The following HPSE2 variants were observed in gnomAD, a reference collection of about 807,000 sequenced individuals.
HPSE2 encodes the protein inactive heparanase-2.
A neutral mutation model predicts 60.5 loss-of-function variants in HPSE2; 38 were observed. The ratio of observed to expected loss-of-function variants is 0.63; its 90% CI spans 0.48 to 0.82. The LOEUF (loss-of-function observed/expected upper bound fraction) is 0.82. HPSE2 is among the 40% of genes least tolerant of loss of function. The pLI is 0.00. For missense variants in HPSE2, 713 were observed against 740.4 expected (o/e 0.96, Z 0.43); for synonymous variants, 295 against 293.2 (o/e 1.01, Z -0.06).
chr10:99,260,502 T>TTCTCACTACCCTTCAATCTTCCTC, the HPSE2 span, among the ~76,000 whole-genome samples: 2 of 152,164 alleles, frequency 1.3e-5, no homozygotes, highest in Non-Finnish European at 2.9e-5. Flanking sequence ...TCTCCAGCCT[T>TTCTCACTACCCTTCAATCTTCCTC]TCTCACTACC....
At chr10:99,032,275 T>C (rs1398019249) in intron 3 of HPSE2, among the ~76,000 whole-genome samples, 1 of 152,066 alleles carries the variant, frequency 6.6e-6, no homozygotes, top group Non-Finnish European at 1.5e-5. Flanking sequence ...GATCATGATG[T>C]CCCCTCTGTT....
rs1024783563 is a variant in HPSE2 at position 98,611,093 on chromosome 10, G to C, written c.1320+3811C>G. ...ACACGTCCCCATTTTCCCAGTGTTG[G>C]GGGGGGCCAGGGGAAGGGAGTGGGA... On this transcript the variant is annotated intron_variant, in intron 9 of 11. Transcript: ENST00000370552. 9.4e-5 allele frequency among the ~76,000 whole-genome samples: 13 copies of C among 138,308 alleles called. No individual in the cohort carries two copies. In the East Asian group the frequency reaches 9.7e-4, roughly 10 times the overall value. 90.7% of individuals were successfully genotyped at this position (138,308 alleles called of 152,430 possible).
chr10:99,304,289 T>C, the HPSE2 span, among the ~76,000 whole-genome samples: 1 of 152,214 alleles, frequency 6.6e-6, no homozygotes, highest in Non-Finnish European at 1.5e-5. Flanking sequence ...GAGCCAAAAG[T>C]TACTACTGCT....
intron 3 of HPSE2, among the ~76,000 whole-genome samples, chr10:98,901,509 C>A (rs996921747): frequency 6.6e-6 from 1 of 152,162 alleles, no homozygotes; most frequent in Non-Finnish European, 1.5e-5. Context: ...AAGCTTGCTG[C>A]TAAACAGGGC....
chr10:99,021,539 T>C (rs1201546594), intron 3 of HPSE2, among the ~76,000 whole-genome samples: 1 of 151,872 alleles, frequency 6.6e-6, no homozygotes. Context: ...AGGGTCCTAC[T>C]CTAAATTAAT....
At chr10:98,527,447 G>C (rs1943003205) in intron 9 of HPSE2, among the ~76,000 whole-genome samples, 1 of 152,004 alleles carries the variant, frequency 6.6e-6, no homozygotes, top group African/African-American at 2.4e-5. Context: ...TCTGTTCTTT[G>C]AACCCTCTGG....
At chr10:99,258,173 T>C in the HPSE2 span, among the ~76,000 whole-genome samples, 8 of 151,942 alleles carry the variant, frequency 5.3e-5, no homozygotes, top group Admixed American at 5.2e-4. Context: ...ATAAGATCAA[T>C]ATACAAAAGT....
chr10:98,972,886 A>T (rs1181974347), intron 3 of HPSE2, among the ~76,000 whole-genome samples: 1 of 152,160 alleles, frequency 6.6e-6, no homozygotes, highest in Non-Finnish European at 1.5e-5. Flanking sequence ...TTTATAAGAC[A>T]TGTATGGGGT....
At chr10:99,152,862 G>A (rs1846332141) in intron 2 of HPSE2, among the ~76,000 whole-genome samples, 2 of 152,220 alleles carry the variant, frequency 1.3e-5, no homozygotes, top group Admixed American at 1.3e-4. Context: ...ACTAGGGAGT[G>A]CCAGACAGTG....
chr10:98,771,778 C>T (rs1456894131), intron 3 of HPSE2, among the ~76,000 whole-genome samples: 3 of 152,028 alleles, frequency 2.0e-5, no homozygotes, highest in African/African-American at 7.2e-5. Context: ...GGGGCAAACT[C>T]CCTGCTAGGG....
chr10:99,167,835 C>G (rs922573392), intron 2 of HPSE2, among the ~76,000 whole-genome samples: 1 of 152,032 alleles, frequency 6.6e-6, no homozygotes, highest in Non-Finnish European at 1.5e-5. Flanking sequence ...TCGAGAAGAA[C>G]TGATATCTTA....
chr10:98,668,421 T>C (rs769375984), intron 6 of HPSE2, among the ~76,000 whole-genome samples: 19 of 152,086 alleles, frequency 1.2e-4, no homozygotes, highest in Non-Finnish European at 2.1e-4. Flanking sequence ...TATTCTAAAA[T>C]TCACATGGAA....
At chr10:98,723,873 T>A (rs938465837) in intron 4 of HPSE2, among the ~76,000 whole-genome samples, 11 of 152,172 alleles carry the variant, frequency 7.2e-5, no homozygotes, top group African/African-American at 2.7e-4. Context: ...TTATTAGTCT[T>A]GCTAGCGGTC....
chr10:98,967,142 C>T (rs1564697821), intron 3 of HPSE2, among the ~76,000 whole-genome samples: 1 of 152,094 alleles, frequency 6.6e-6, no homozygotes, highest in Non-Finnish European at 1.5e-5. Context: ...CTGGCAGTTG[C>T]CATGAAGACT....
At chr10:98,705,860 C>A (rs1369929865) in intron 5 of HPSE2, among the ~76,000 whole-genome samples, 2 of 152,142 alleles carry the variant, frequency 1.3e-5, no homozygotes, top group African/African-American at 2.4e-5. Flanking sequence ...GCCACCATGA[C>A]ACATGTAGAC....
the HPSE2 span, among the ~76,000 whole-genome samples, chr10:99,293,520 T>C: frequency 6.6e-6 from 1 of 152,214 alleles, no homozygotes; most frequent in Non-Finnish European, 1.5e-5. Context: ...CTAGGATAAC[T>C]TTTACAGAAA....
intron 3 of HPSE2, among the ~76,000 whole-genome samples, chr10:99,110,079 A>T (rs1469104244): frequency 6.6e-6 from 1 of 152,226 alleles, no homozygotes; most frequent in Admixed American, 6.5e-5. Context: ...GAATTATCTG[A>T]TTCAAAGACA....
intron 3 of HPSE2, among the ~76,000 whole-genome samples, chr10:98,860,714 T>G (rs1197699569): frequency 1.3e-5 from 2 of 152,208 alleles, no homozygotes; most frequent in African/African-American, 4.8e-5. Context: ...TAACCTCTTT[T>G]GCAACTTTTG....
rs67286674 is a variant in HPSE2 at position 98,794,243 on chromosome 10, A to ATTT, written c.611-50190_611-50188dup. On this transcript the variant is annotated intron_variant, in intron 3 of 11. Transcript: ENST00000370552. Reference sequence around the variant, plus strand: ...GAGCCCAGCATTATACATTGCATTAATTTTTTTTTTTTTTTGAGACAGAGT... The same window carrying ATTT: ...GAGCCCAGCATTATACATTGCATTAATTTTTTTTTTTTTTTTTTGAGACAGAGT... Among the ~76,000 whole-genome samples, 773 of 144,294 alleles carry ATTT rather than the reference A, an allele frequency of 5.4e-3. 9 individuals carry two copies. Among genetic ancestry groups the ATTT allele is most frequent in the African/African-American group, 0.019 (738 of 39,128 alleles). The allele number at this position is 144,294 out of a possible 152,430, so 94.7% of individuals were successfully genotyped here.
Sources: gnomAD v4.1 joint callset for allele counts (sites outside exome capture counted in the v4.1 genomes callset) on GRCh38, gnomAD v4.1.1 for gene constraint, MANE v1.5 for transcripts, NCBI Gene and HGNC (gene_info 2026-07-23, HGNC 2026-07-21) for gene names.